CTNNA1: variants seen among roughly 807,000 people sequenced by gnomAD.
CTNNA1 encodes the protein catenin alpha-1.
CTNNA1 carries 37 observed loss-of-function variants against 98.4 expected under a neutral mutation model. The ratio of observed to expected loss-of-function variants is 0.38; its 90% CI spans 0.29 to 0.49. The LOEUF is 0.49. CTNNA1 is among the 20% of genes least tolerant of loss of function. The pLI is 0.95. For synonymous variants in CTNNA1, 404 were observed against 413.2 expected (o/e 0.98, Z 0.27); for missense variants, 761 against 1,147.2 (o/e 0.66, Z 4.86).
At chr5:138,933,024 C>T in intron 17 of CTNNA1, 1 of 762,278 alleles carries the variant, frequency 1.3e-6, no homozygotes, top group Non-Finnish European at 2.4e-6. Flanking sequence ...GTCCCAGCTA[C>T]TTGGGAGGCT....
intron 10 of CTNNA1, among the ~76,000 whole-genome samples, chr5:138,906,573 C>G (rs1048579854): frequency 2.0e-5 from 3 of 152,130 alleles, no homozygotes; most frequent in Non-Finnish European, 4.4e-5. Context: ...CACGGAGAGT[C>G]TAGTAGATCC....
intron 8 of CTNNA1, 67 bp from the exon 9 acceptor site, chr5:138,887,422 AT>A: frequency 8.2e-7 from 1 of 1,217,006 alleles, no homozygotes; most frequent in Non-Finnish European, 1.2e-6. Flanking sequence ...GTACAAGAGA[AT>A]AAAAAGCAAT....
intron 15 of CTNNA1, 68 bp from the exon 16 acceptor site, chr5:138,930,762 C>A: frequency 1.3e-6 from 2 of 1,524,668 alleles, no homozygotes; most frequent in Non-Finnish European, 9.1e-7. Context: ...TGTGGACAAT[C>A]TTCTTTTTCT....
In CTNNA1 at chr5:138,930,670, G is replaced by GCC; in HGVS notation, c.2192+19_2192+20dup. 3.1e-6 allele frequency: 5 copies of GCC among 1,605,594 alleles called. No individual in the cohort carries two copies. The highest frequency in any genetic ancestry group is 4.3e-6 in the Non-Finnish European group (5 of 1,174,648). On this transcript the variant is annotated intron_variant, in intron 15 of 17. Coordinates refer to ENST00000302763, the MANE Select transcript of CTNNA1 (RefSeq NM_001903.5). ...ACTTTACCCGGTGAGCAGCACCCCG[G>GCC]CCCCACCAGGCTGCACAGGGGCTAC...
intron 1 of CTNNA1, among the ~76,000 whole-genome samples, chr5:138,781,628 A>G (rs1755125503): frequency 6.6e-6 from 1 of 152,186 alleles, no homozygotes; most frequent in Non-Finnish European, 1.5e-5. Context: ...TGGGGCAGAT[A>G]AAGTGAGTAG....
intron 4 of CTNNA1, 58 bp from the exon 5 acceptor site, chr5:138,812,125 C>A: frequency 6.6e-7 from 1 of 1,523,496 alleles, no homozygotes; most frequent in Non-Finnish European, 8.9e-7. Context: ...AGGATGCCAT[C>A]TTCTTTACAG....
intron 3 of CTNNA1, among the ~76,000 whole-genome samples, chr5:138,790,232 A>G (rs1230077044): frequency 6.6e-6 from 1 of 152,232 alleles, no homozygotes; most frequent in Non-Finnish European, 1.5e-5. Context: ...GGGCCTGTGC[A>G]AGTAGCTGAT....
chr5:138,806,097 G>T (rs1040778111), intron 3 of CTNNA1, among the ~76,000 whole-genome samples: 6 of 152,228 alleles, frequency 3.9e-5, no homozygotes, highest in Admixed American at 1.3e-4. Flanking sequence ...TAATTCTTTT[G>T]CATATTGCAC....
intron 1 of CTNNA1, chr5:138,762,169 G>A (rs1358122357): frequency 6.6e-6 from 1 of 152,214 alleles, no homozygotes; most frequent in Non-Finnish European, 1.5e-5. Context: ...ATCTGGAAGA[G>A]TCTCATAGAG....
At chr5:138,840,853 C>G (rs199852238) in intron 7 of CTNNA1, among the ~76,000 whole-genome samples, 1 of 152,188 alleles carries the variant, frequency 6.6e-6, no homozygotes, top group Admixed American at 6.5e-5. Context: ...TGCCCTCAAA[C>G]TAGCCATAAT....
At chr5:138,778,238 C>T (rs1754628687) in intron 1 of CTNNA1, among the ~76,000 whole-genome samples, 1 of 152,024 alleles carries the variant, frequency 6.6e-6, no homozygotes, top group Non-Finnish European at 1.5e-5. Context: ...TCGTGATCCA[C>T]CCGCCTTGGC....
chr5:138,866,328 T>TTATC (rs1764785442), intron 7 of CTNNA1, among the ~76,000 whole-genome samples: 1 of 147,410 alleles, frequency 6.8e-6, no homozygotes, highest in African/African-American at 2.5e-5. Context: ...ATTTATTTAT[T>TTATC]TTGGTACAAA....
chr5:138,931,356 C>T (rs1765271597), intron 16 of CTNNA1, among the ~76,000 whole-genome samples: 1 of 152,202 alleles, frequency 6.6e-6, no homozygotes, highest in Non-Finnish European at 1.5e-5. Flanking sequence ...ACGGTTCCTA[C>T]CGCCTGGAAA....
At chr5:138,789,198 CA>C (rs1459289184) in intron 3 of CTNNA1, among the ~76,000 whole-genome samples, 4 of 145,702 alleles carry the variant, frequency 2.7e-5, no homozygotes, top group African/African-American at 5.2e-5. Context: ...TCCCCCCCCC[CA>C]GAGCTTATAA....
intron 1 of CTNNA1, among the ~76,000 whole-genome samples, chr5:138,776,846 G>C (rs1209137774): frequency 7.4e-6 from 1 of 135,254 alleles, no homozygotes; most frequent in Non-Finnish European, 1.6e-5. Flanking sequence ...GGCCGGGCGG[G>C]GGGGCTGACT....
intron 1 of CTNNA1, among the ~76,000 whole-genome samples, chr5:138,776,618 C>T (rs1325554737): frequency 1.3e-5 from 2 of 152,188 alleles, no homozygotes; most frequent in South Asian, 4.1e-4. Flanking sequence ...CCAGTAGGAG[C>T]GGCCGGGCAG....
intron 5 of CTNNA1, among the ~76,000 whole-genome samples, chr5:138,818,310 T>A (rs1238131655): frequency 1.3e-5 from 2 of 151,774 alleles, no homozygotes; most frequent in Non-Finnish European, 2.9e-5. Context: ...AGATAGGGTC[T>A]TGTTACGTTG....
intron 7 of CTNNA1, among the ~76,000 whole-genome samples, chr5:138,834,167 G>A (rs1761551355): frequency 6.6e-6 from 1 of 152,170 alleles, no homozygotes; most frequent in South Asian, 2.1e-4. Context: ...AGCATAGCCA[G>A]AGCTTTTGAA....
chr5:138,852,861 G>GCGTGCGCGCACGCGCACACACACA (rs1554089786), intron 7 of CTNNA1, among the ~76,000 whole-genome samples: 1 of 146,074 alleles, frequency 6.8e-6, no homozygotes, highest in African/African-American at 2.5e-5. Context: ...CCCTCTTTTC[G>GCGTGCGCGCACGCGCACACACACA]CGCGCGCGCG....
Sources: allele counts gnomAD v4.1 joint callset (sites outside exome capture counted in the v4.1 genomes callset), GRCh38; gene constraint gnomAD v4.1.1; transcripts MANE v1.5; gene names NCBI Gene and HGNC (gene_info 2026-07-23, HGNC 2026-07-21).